The following WHR1 variants were observed in gnomAD, a reference collection of about 807,000 sequenced individuals.
The protein encoded by WHR1 is winged helix repair factor 1, also known as MHC class III HLA-RP1.
At chr6:31,978,868 T>TA in the WHR1 span, 1 of 1,604,478 alleles carries the variant, frequency 6.2e-7, no homozygotes, top group Non-Finnish European at 8.5e-7. Flanking sequence ...CTTACCCTGA[T>TA]ACGCCTCTTT....
the WHR1 span, chr6:31,980,294 G>A: frequency 4.7e-6 from 3 of 639,110 alleles, no homozygotes; most frequent in South Asian, 4.5e-5. Context: ...GGCAGTTGGT[G>A]CGAGCACAGA....
At chr6:31,976,753 C>T in the WHR1 span, among the ~76,000 whole-genome samples, 5 of 152,234 alleles carry the variant, frequency 3.3e-5, no homozygotes, top group Non-Finnish European at 7.3e-5. Context: ...GCCTGGGCAC[C>T]ATTGAGCACT....
At chr6:31,972,809 T>C in the WHR1 span, 2 of 1,600,136 alleles carry the variant, frequency 1.2e-6, no homozygotes, top group Non-Finnish European at 8.5e-7. The surrounding 1 kb of genome is among the most constrained non-coding windows in gnomAD (Gnocchi z 6.3). Context: ...CTCCTGGAAT[T>C]CCCTGTCACT....
chr6:31,973,385 A>AC, the WHR1 span: 1 of 198,492 alleles, frequency 5.0e-6, no homozygotes, highest in Non-Finnish European at 1.1e-5. Context: ...AAGGTATTAG[A>AC]CAGTTGGATA....
chr6:31,976,190 C>T, the WHR1 span, among the ~76,000 whole-genome samples: 6 of 150,344 alleles, frequency 4.0e-5, no homozygotes, highest in Non-Finnish European at 5.9e-5. Context: ...AGGGGCTCCT[C>T]ACTTCCCAGT....
At chr6:31,972,651 T>G in the WHR1 span, 19 of 1,613,482 alleles carry the variant, frequency 1.2e-5, no homozygotes, top group Non-Finnish European at 1.5e-5. The surrounding 1 kb of genome is among the most constrained non-coding windows in gnomAD (Gnocchi z 6.3). Flanking sequence ...TCAGAACTCA[T>G]GCAGCTGTTC....
At chr6:31,977,178 CT>C in the WHR1 span, among the ~76,000 whole-genome samples, 9,369 of 146,782 alleles carry the variant, frequency 0.064, 318 homozygotes, top group South Asian at 0.14. Flanking sequence ...GTTCCAATTA[CT>C]TTTTTTTTTT....
chr6:31,973,292 G>A, the WHR1 span: 28 of 275,576 alleles, frequency 1.0e-4, no homozygotes, highest in South Asian at 9.8e-4. Flanking sequence ...GGTATTAGGA[G>A]CACATTTAGT....
the WHR1 span, chr6:31,980,528 T>G: frequency 6.2e-6 from 10 of 1,612,968 alleles, no homozygotes; most frequent in Non-Finnish European, 8.5e-6. Context: ...GCTGGGAGAT[T>G]CATCAAGTAC....
chr6:31,972,224 C>T, the WHR1 span: 5 of 1,612,736 alleles, frequency 3.1e-6, no homozygotes, highest in South Asian at 4.4e-5. The surrounding 1 kb of genome is among the most constrained non-coding windows in gnomAD (Gnocchi z 6.3). Context: ...CTGGTATGTG[C>T]GTCGCCACCG....
the WHR1 span, chr6:31,979,529 T>C: frequency 6.2e-7 from 1 of 1,612,914 alleles, no homozygotes; most frequent in South Asian, 1.1e-5. Context: ...ACACAGACCT[T>C]TGGCTTCAGG....
the WHR1 span, chr6:31,973,184 G>A: frequency 2.5e-6 from 1 of 392,600 alleles, no homozygotes; most frequent in Non-Finnish European, 4.9e-6. Context: ...AAGTGGTGAA[G>A]GCCTAAATTA....
chr6:31,973,005 C>T, the WHR1 span: 1 of 718,976 alleles, frequency 1.4e-6, no homozygotes. Context: ...GAACATACAG[C>T]GCTGGGAGTG....
At chr6:31,974,543 CCCCATCTTTACTAAATAACTGAGAT>C in the WHR1 span, among the ~76,000 whole-genome samples, 2 of 152,132 alleles carry the variant, frequency 1.3e-5, no homozygotes, top group Non-Finnish European at 2.9e-5. Context: ...CAAAGTGAGA[CCCCATCTTTACTAAATAACTGAGAT>C]CCCATCTCTA....
the WHR1 span, chr6:31,972,427 C>T: frequency 1.2e-6 from 2 of 1,613,074 alleles, no homozygotes; most frequent in South Asian, 1.1e-5. The surrounding 1 kb of genome is among the most constrained non-coding windows in gnomAD (Gnocchi z 6.3). Context: ...CTGGAAGAGG[C>T]ATCACCTGAT....
chr6:31,979,393 GTC>G, the WHR1 span: 5 of 1,612,608 alleles, frequency 3.1e-6, no homozygotes, highest in African/African-American at 6.7e-5. Context: ...GATGGACCAT[GTC>G]TCTCATCTCT....
the WHR1 span, chr6:31,971,975 C>T: frequency 1.1e-5 from 18 of 1,585,828 alleles, no homozygotes; most frequent in African/African-American, 6.7e-5. The surrounding 1 kb of genome is among the most constrained non-coding windows in gnomAD (Gnocchi z 4.5). Flanking sequence ...GACGTCATGG[C>T]AGGCACGCCA....
the WHR1 span, chr6:31,979,309 G>A: frequency 0.15 from 217,659 of 1,475,190 alleles, 20,234 homozygotes; most frequent in African/African-American, 0.42. Flanking sequence ...AGAGGTGGAA[G>A]GATCTGAGCA....
At chr6:31,975,644 T>G in the WHR1 span, among the ~76,000 whole-genome samples, 1 of 150,892 alleles carries the variant, frequency 6.6e-6, no homozygotes, top group Non-Finnish European at 1.5e-5. Flanking sequence ...TTCCACTATT[T>G]TTTTTTTTTT....
Sources: allele counts gnomAD v4.1 joint callset (sites outside exome capture counted in the v4.1 genomes callset), GRCh38; gene constraint gnomAD v4.1.1; non-coding constraint Gnocchi (gnomAD v3.1); transcripts MANE v1.5; gene names NCBI Gene and HGNC (gene_info 2026-07-23, HGNC 2026-07-21).